The following FAT4 variants were observed in gnomAD, a reference collection of about 807,000 sequenced individuals.
FAT4 encodes the protein protocadherin Fat 4.
FAT4 carries 84 observed loss-of-function variants against 303.9 expected under a neutral mutation model. That is an observed-to-expected ratio of 0.28 (90% confidence interval 0.23 to 0.33). The LOEUF (loss-of-function observed/expected upper bound fraction) is 0.33, where lower values mean the gene tolerates loss of function less well. FAT4 is among the 10% of genes least tolerant of loss of function. The pLI is 1.00. For synonymous variants in FAT4, 2,307 were observed against 2,298.8 expected, an observed-to-expected ratio of 1.00 and a Z score of -0.10; for missense variants, 6,005 against 6,146.8, an observed-to-expected ratio of 0.98 and a Z score of 0.77.
At chr4:125,474,161 G>C (rs1726951911) in intron 12 of FAT4, among the ~76,000 whole-genome samples, 1 of 151,984 alleles carries the variant, frequency 6.6e-6, no homozygotes, top group African/African-American at 2.4e-5. Context: ...AGTTGTATCA[G>C]CAAGCTTTTA....
intron 2 of FAT4, among the ~76,000 whole-genome samples, chr4:125,371,589 A>C (rs2125991929): frequency 6.6e-6 from 1 of 152,034 alleles, no homozygotes; most frequent in East Asian, 1.9e-4. Flanking sequence ...ATAGTGGAGA[A>C]GATGCTAGTA....
chr4:125,488,646 C>T (rs568944911), intron 17 of FAT4, among the ~76,000 whole-genome samples: 1 of 152,254 alleles, frequency 6.6e-6, no homozygotes, highest in Non-Finnish European at 1.5e-5. Context: ...GCAGAACCCT[C>T]CAAAAGCAGC....
intron 15 of FAT4, 113 bp from the exon 16 acceptor site, chr4:125,481,408 A>C (rs1727220898): frequency 2.4e-6 from 2 of 825,906 alleles, no homozygotes; most frequent in Admixed American, 2.7e-5. Flanking sequence ...GGGGGACATT[A>C]ATTCCCAAAA....
At chr4:125,457,140 CA>C (rs879719568) in intron 10 of FAT4, among the ~76,000 whole-genome samples, 3,231 of 132,988 alleles carry the variant, frequency 0.024, 128 homozygotes, top group African/African-American at 0.078. Context: ...CACACACACA[CA>C]CACACACACA....
chr4:125,363,114 C>T (rs1241364090), intron 2 of FAT4, among the ~76,000 whole-genome samples: 4 of 151,910 alleles, frequency 2.6e-5, no homozygotes, highest in African/African-American at 2.4e-5. Flanking sequence ...AATCATTTTT[C>T]ACAACAATAA....
intron 12 of FAT4, among the ~76,000 whole-genome samples, chr4:125,474,023 GAT>G (rs1309755405): frequency 1.3e-5 from 2 of 151,848 alleles, no homozygotes; most frequent in Non-Finnish European, 2.9e-5. Flanking sequence ...GCATAGTTGG[GAT>G]AAAACATTTT....
intron 2 of FAT4, among the ~76,000 whole-genome samples, chr4:125,323,917 G>T (rs1731052012): frequency 6.6e-6 from 1 of 152,158 alleles, no homozygotes; most frequent in Admixed American, 6.6e-5. Flanking sequence ...CATTCCATGG[G>T]CAGGCAGAGA....
chr4:125,413,325 T>C (rs1734917063), intron 5 of FAT4, among the ~76,000 whole-genome samples: 1 of 151,860 alleles, frequency 6.6e-6, no homozygotes. Flanking sequence ...GCTTTATTTA[T>C]TCATATTTTT....
intron 2 of FAT4, among the ~76,000 whole-genome samples, chr4:125,323,998 A>G (rs144684756): frequency 1.9e-3 from 291 of 152,278 alleles, no homozygotes; most frequent in South Asian, 6.8e-3. Context: ...GTAAGAGGCT[A>G]ATGACTATGA....
At chr4:125,434,856 C>T (rs925982255) in intron 8 of FAT4, among the ~76,000 whole-genome samples, 2 of 152,154 alleles carry the variant, frequency 1.3e-5, no homozygotes, top group Non-Finnish European at 2.9e-5. Flanking sequence ...TCAGAACTTC[C>T]TGATGTGGTT....
At chr4:125,431,836 C>A (rs933958099) in intron 7 of FAT4, among the ~76,000 whole-genome samples, 1 of 145,858 alleles carries the variant, frequency 6.9e-6, no homozygotes, top group African/African-American at 2.5e-5. Context: ...CACACAAATG[C>A]ACACATATTC....
chr4:125,319,697 A>G lies in FAT4; in HGVS notation c.3286A>G (p.Asn1096Asp), dbSNP rs769283475. The G allele has an allele frequency of 1.2e-6, 2 of 1,614,130 alleles. No individual in the cohort carries two copies. The highest frequency in any genetic ancestry group is 1.7e-5 in the Admixed American group (1 of 60,026). Residue 1096 changes from asparagine to aspartate, a missense_variant, in exon 2 of 18, where the codon AAC becomes GAC. Coordinates refer to ENST00000394329, the MANE Select transcript of FAT4 (RefSeq NM_001291303.3). ...TGTAATTTTAGAAGATGTAAATGAT[A>G]ACAGACCTCTTTTTAACAGTACCAA... ...VTVILEDVND[N>D]RPLFNSTNYT... is the part of the protein sequence containing the mutation.
chr4:125,406,063 G>A (rs1239609405), intron 3 of FAT4, among the ~76,000 whole-genome samples: 2 of 152,066 alleles, frequency 1.3e-5, no homozygotes, highest in African/African-American at 4.8e-5. Flanking sequence ...TATGTTGCTT[G>A]TTTTGGGAGT....
intron 2 of FAT4, among the ~76,000 whole-genome samples, chr4:125,365,558 G>C (rs1347375456): frequency 6.6e-6 from 1 of 152,118 alleles, no homozygotes; most frequent in Non-Finnish European, 1.5e-5. Context: ...TTTCTGACGA[G>C]AGAGCTATTA....
chr4:125,385,305 G>A (rs1035668906), intron 2 of FAT4, among the ~76,000 whole-genome samples: 3 of 152,056 alleles, frequency 2.0e-5, no homozygotes, highest in Non-Finnish European at 4.4e-5. Flanking sequence ...TTACAGGCAT[G>A]AGCCACTGCG....
chr4:125,394,411 T>C (rs1734088603), intron 2 of FAT4, among the ~76,000 whole-genome samples: 1 of 152,208 alleles, frequency 6.6e-6, no homozygotes, highest in African/African-American at 2.4e-5. Flanking sequence ...ATGCTGGCAC[T>C]GAAAGCTTAA....
At chr4:125,339,833 T>C (rs918140827) in intron 2 of FAT4, among the ~76,000 whole-genome samples, 1 of 152,180 alleles carries the variant, frequency 6.6e-6, no homozygotes, top group Non-Finnish European at 1.5e-5. Context: ...AAGAATTTAA[T>C]AGTAGTTTCT....
At position 125,492,113 on chromosome 4, in the gene FAT4, G is replaced by A. The variant is rs1727674335; in HGVS notation, c.*345G>A. Reference sequence around the variant, plus strand: ...GAAAAGAACTTGTGCTTTCCCAGTGGCGTATGTGTATTGTTTCAACTGTAT... The same window carrying A: ...GAAAAGAACTTGTGCTTTCCCAGTGACGTATGTGTATTGTTTCAACTGTAT... On this transcript the variant is annotated 3_prime_UTR_variant, in exon 18 of 18. Coordinates refer to ENST00000394329, the MANE Select transcript of FAT4 (RefSeq NM_001291303.3). 1 of 231,720 alleles carries A rather than the reference G, an allele frequency of 4.3e-6. No homozygotes were observed. The highest frequency in any genetic ancestry group is 8.5e-6 in the Non-Finnish European group (1 of 118,330). 14.4% of individuals were successfully genotyped at this position (231,720 alleles called of 1,614,324 possible).
Position 125,318,627 on chromosome 4 carries a change from A to G in FAT4, c.2216A>G (p.Asn739Ser), listed in dbSNP as rs200512777. The G allele has an allele frequency of 1.1e-3, 1,829 of 1,614,194 alleles. 21 individuals are homozygous for G. The South Asian group carries it at 0.014, about 13-fold the overall frequency. ...GGGGACAGGTCTCGGTTTCAGGTCA[A>G]TGCTCAGAGTGGGGTTATTTCTACA... ...SAGDRSRFQV[N>S]AQSGVISTRM... Residue 739 changes from asparagine (N) to serine (S), a missense_variant, in exon 2 of 18, where the codon AAT becomes AGT. Coordinates refer to ENST00000394329, the MANE Select transcript of FAT4 (RefSeq NM_001291303.3).
Sources: gnomAD v4.1 joint callset for allele counts (sites outside exome capture counted in the v4.1 genomes callset) on GRCh38, gnomAD v4.1.1 for gene constraint, MANE v1.5 for transcripts, NCBI Gene and HGNC (gene_info 2026-07-23, HGNC 2026-07-21) for gene names.